Variants in CYP46A1 observed in about 807,000 individuals in gnomAD.
The protein encoded by CYP46A1 is cholesterol 24-hydroxylase.
CYP46A1 carries 20 observed loss-of-function variants against 63.3 expected under a neutral mutation model. The ratio of observed to expected loss-of-function variants is 0.32; its 90% confidence interval spans 0.22 to 0.46. CYP46A1 has a LOEUF of 0.46. Among genes scored for constraint, CYP46A1 ranks in the 20% least tolerant of loss-of-function variants. The pLI, the probability that CYP46A1 is intolerant of heterozygous loss-of-function variation, is 1.00. For missense variants in CYP46A1, 445 were observed against 670.8 expected, an observed-to-expected ratio of 0.66 and a Z score of 3.72; for synonymous variants, 268 against 273.6, an observed-to-expected ratio of 0.98 and a Z score of 0.20.
At chr14:99,704,131 G>C (rs1330254581) in intron 5 of CYP46A1, among the ~76,000 whole-genome samples, 2 of 152,160 alleles carry the variant, frequency 1.3e-5, no homozygotes, top group African/African-American at 4.8e-5. Flanking sequence ...TGCTTTCACA[G>C]ACATTTTTAT....
chr14:99,711,914 A>G (rs2056735859), intron 7 of CYP46A1: 1 of 152,188 alleles, frequency 6.6e-6, no homozygotes, highest in South Asian at 2.1e-4. Context: ...TAATCCAACA[A>G]CACATTAAAA....
chr14:99,689,236 G>A (rs2056522428), intron 1 of CYP46A1, among the ~76,000 whole-genome samples: 1 of 152,132 alleles, frequency 6.6e-6, no homozygotes, highest in Non-Finnish European at 1.5e-5. Flanking sequence ...AATTTCATCT[G>A]CTTGTCTGAG....
Position 99,726,770 on chromosome 14 carries a change from G to C in CYP46A1, c.*43G>C. 1 of 1,439,024 alleles carries C rather than the reference G, an allele frequency of 6.9e-7. No individual in the cohort carries two copies. Among genetic ancestry groups the C allele is most frequent in the Non-Finnish European group, 9.2e-7 (1 of 1,083,640 alleles). 89.1% of individuals were successfully genotyped at this position (1,439,024 alleles called of 1,614,324 possible). A position where few individuals can be genotyped will look rare whatever the true frequency, so the allele number is the denominator to read the frequency against. ...ACGAGACTCCTCGGGCAAGGGCCGT[G>C]CCCGCCCACCTCTGCTGCCCACGGC... On this transcript the variant is annotated 3_prime_UTR_variant, in exon 15 of 15. Coordinates refer to ENST00000261835, the MANE Select transcript of CYP46A1 (RefSeq NM_006668.2).
In CYP46A1 at chr14:99,726,452, A is replaced by G; in HGVS notation, c.1333-105A>G. On this transcript the variant is annotated intron_variant, in intron 14 of 14. Transcript: ENST00000261835. ...AAAACAGGAGGCTCCCCAGGCTCTC[A>G]CAGGCTCTCCAGGAGGAGAGCCGGC... The G allele has an allele frequency of 5.5e-6, 7 of 1,268,216 alleles. No individual in the cohort carries two copies. In the South Asian group the frequency reaches 9.6e-5, roughly 17 times the overall value. 78.6% of individuals were successfully genotyped at this position (1,268,216 alleles called of 1,614,324 possible). A position where few individuals can be genotyped will look rare whatever the true frequency, so the allele number is the denominator to read the frequency against.
chr14:99,698,262 T>C (rs993600504), intron 3 of CYP46A1, among the ~76,000 whole-genome samples: 3 of 151,944 alleles, frequency 2.0e-5, no homozygotes, highest in East Asian at 1.9e-4. Flanking sequence ...TTCCCCCTCA[T>C]GTACCTCTGC....
intron 7 of CYP46A1, chr14:99,710,279 T>A (rs1385591461): frequency 6.6e-6 from 1 of 151,934 alleles, no homozygotes; most frequent in Non-Finnish European, 1.5e-5. Context: ...AAACAATTAA[T>A]CAAACAACCA....
intron 5 of CYP46A1, among the ~76,000 whole-genome samples, chr14:99,705,768 T>C (rs1019177028): frequency 1.3e-5 from 2 of 152,074 alleles, no homozygotes; most frequent in African/African-American, 4.8e-5. Flanking sequence ...CTACTAAAGA[T>C]ACAAAAATTA....
At chr14:99,721,111 CAG>C (rs1452392585) in intron 10 of CYP46A1, 126 bp from the exon 11 acceptor site, 9 of 693,090 alleles carry the variant, frequency 1.3e-5, no homozygotes, top group Admixed American at 8.7e-5. Context: ...CTACAAGTAA[CAG>C]TGTTTGTGAG....
Position 99,707,685 on chromosome 14 carries a change from C to A in CYP46A1, c.693+7C>A, listed in dbSNP as rs549055556. The A allele has an allele frequency of 1.2e-6, 2 of 1,612,340 alleles. No individual in the cohort carries two copies. Among genetic ancestry groups the A allele is most frequent in the African/African-American group, 2.7e-5 (2 of 74,988 alleles). ...CCGCAACACTCTGGCAAAGGTACTG[C>A]CTCAGCACCCCCTCTGGTGACCAGC... On this transcript the variant is annotated splice_region_variant and intron_variant, in intron 7 of 14. Coordinates refer to ENST00000261835, the MANE Select transcript of CYP46A1 (RefSeq NM_006668.2).
At chr14:99,685,088 A>T (rs1235491701) in intron 1 of CYP46A1, among the ~76,000 whole-genome samples, 1 of 3,644 alleles carries the variant, frequency 2.7e-4, no homozygotes, top group Non-Finnish European at 8.7e-4. Context: ...CAACTTGCCA[A>T]CCCCCCCCCA....
chr14:99,699,376 A>C, intron 3 of CYP46A1, 90 bp from the exon 4 acceptor site: 1 of 1,245,106 alleles, frequency 8.0e-7, no homozygotes, highest in Non-Finnish European at 1.2e-6. Context: ...AGACTCAGCC[A>C]ATGGTGATTA....
chr14:99,703,632 A>AT (rs1209971003), intron 5 of CYP46A1: 17 of 985,202 alleles, frequency 1.7e-5, no homozygotes, highest in Non-Finnish European at 1.9e-5. Context: ...CCCAGCTAAG[A>AT]TGTCACCTAC....
At chr14:99,721,856 C>A in intron 11 of CYP46A1, 100 bp from the exon 12 acceptor site, 1 of 912,788 alleles carries the variant, frequency 1.1e-6, no homozygotes, top group Non-Finnish European at 1.7e-6. Flanking sequence ...TGCACTCAGC[C>A]TGTGGGTGGG....
At chr14:99,696,943 G>A (rs2056591876) in intron 3 of CYP46A1, among the ~76,000 whole-genome samples, 1 of 152,222 alleles carries the variant, frequency 6.6e-6, no homozygotes, top group Non-Finnish European at 1.5e-5. Context: ...GGAGTCTAGA[G>A]TAGACTTTTA....
chr14:99,726,380 G>C, intron 14 of CYP46A1, 124 bp downstream of exon 14: 2 of 1,205,504 alleles, frequency 1.7e-6, no homozygotes, highest in Non-Finnish European at 1.1e-6. Context: ...GGGACCCAGC[G>C]GAGCCAGACC....
At chr14:99,715,752 G>C (rs1329217001) in intron 7 of CYP46A1, 58 bp from the exon 8 acceptor site, 4 of 1,609,084 alleles carry the variant, frequency 2.5e-6, no homozygotes, top group Admixed American at 3.4e-5. Context: ...TGGTGGGGGA[G>C]AGGGGAGAGG....
intron 10 of CYP46A1, among the ~76,000 whole-genome samples, chr14:99,718,457 G>C (rs1373379161): frequency 6.6e-6 from 1 of 152,226 alleles, no homozygotes; most frequent in Admixed American, 6.5e-5. Context: ...AGCTCCAGGA[G>C]GGCAGGGACC....
In CYP46A1 at chr14:99,706,678, G is replaced by A. The variant is rs1303404186; in HGVS notation, c.475G>A (p.Glu159Lys). Residue 159 changes from glutamate (E) to lysine (K), a missense_variant, in exon 6 of 15, where the codon GAG becomes AAG. Glu to Lys is a moderately conservative substitution (Grantham distance 56, BLOSUM62 1). Transcript: ENST00000261835. ...GGTTAGCTTAATGGAAACATTCAACGAGAAGGCTGAGCAGCTGGTGGAGAT... is the reference window on the plus strand; with the variant it reads ...GGTTAGCTTAATGGAAACATTCAACAAGAAGGCTGAGCAGCTGGTGGAGAT... ...SLVSLMETFNEKAEQLVEILE... is the reference protein window; with the variant it reads ...SLVSLMETFNKKAEQLVEILE... 6 of 1,613,946 alleles carry A rather than the reference G, an allele frequency of 3.7e-6. No individual in the cohort carries two copies. The highest frequency in any genetic ancestry group is 3.3e-5 in the Admixed American group (2 of 60,022).
chr14:99,696,363 C>T (rs768235534), intron 3 of CYP46A1, among the ~76,000 whole-genome samples: 30 of 152,052 alleles, frequency 2.0e-4, no homozygotes, highest in Non-Finnish European at 4.1e-4. Flanking sequence ...TCAAGCAATC[C>T]TCCCACCTCA....
Sources: gnomAD v4.1 joint callset for allele counts (sites outside exome capture counted in the v4.1 genomes callset) on GRCh38, gnomAD v4.1.1 for gene constraint, MANE v1.5 for transcripts, NCBI Gene and HGNC (gene_info 2026-07-23, HGNC 2026-07-21) for gene names.